MDGA2: variants seen among roughly 807,000 people sequenced by gnomAD.
MDGA2 encodes MAM domain-containing glycosylphosphatidylinositol anchor protein 2.
A neutral mutation model predicts 117.8 loss-of-function variants in MDGA2; 40 were observed. That is an observed-to-expected ratio of 0.34 (90% confidence interval 0.26 to 0.44). The LOEUF is 0.44. Among genes scored for constraint, MDGA2 ranks in the 20% least tolerant of loss-of-function variants. The pLI is 1.00. For missense variants in MDGA2, 1,123 were observed against 1,250.6 expected, an observed-to-expected ratio of 0.90 and a Z score of 1.54; for synonymous variants, 452 against 439.0, an observed-to-expected ratio of 1.03 and a Z score of -0.37.
At position 47,266,574 on chromosome 14, in the gene MDGA2, T is replaced by C. The variant is rs531519720; in HGVS notation, c.420+34837A>G. Among the ~76,000 whole-genome samples, 51 of 152,296 alleles carry C rather than the reference T, an allele frequency of 3.3e-4. 1 individual carries two copies. Among genetic ancestry groups the C allele is most frequent in the African/African-American group, 1.1e-3 (47 of 41,554 alleles). On this transcript the variant is annotated intron_variant, in intron 2 of 16. Transcript: ENST00000399232. ...TTCTGTCAATATCTTAATTAAAATA[T>C]TTCAGAGAGGACTCAACTCCAAAGT...
At chr14:47,290,222 G>A (rs1888833992) in intron 2 of MDGA2, among the ~76,000 whole-genome samples, 1 of 152,020 alleles carries the variant, frequency 6.6e-6, no homozygotes, top group South Asian at 2.1e-4. Context: ...CGGGGCCTAT[G>A]GGAGGTGATT....
At chr14:47,589,922 G>A (rs1204076384) in intron 1 of MDGA2, among the ~76,000 whole-genome samples, 1 of 151,660 alleles carries the variant, frequency 6.6e-6, no homozygotes. Flanking sequence ...CTTTTTTCAT[G>A]GTGTTATAAA....
intron 1 of MDGA2, among the ~76,000 whole-genome samples, chr14:47,353,560 C>T (rs985028570): frequency 3.3e-5 from 5 of 152,082 alleles, no homozygotes; most frequent in Non-Finnish European, 5.9e-5. Flanking sequence ...TAAGTTAAAA[C>T]GAGATTGTAC....
rs559783499 is a variant in MDGA2 at position 47,305,919 on chromosome 14, T to C, written c.281-4369A>G. Among the ~76,000 whole-genome samples the C allele has an allele frequency of 1.4e-3, 218 of 152,312 alleles. 1 individual carries two copies. Among genetic ancestry groups the C allele is most frequent in the African/African-American group, 5.1e-3 (212 of 41,560 alleles). On this transcript the variant is annotated intron_variant, in intron 1 of 16. Coordinates refer to ENST00000399232, the MANE Select transcript of MDGA2 (RefSeq NM_001113498.3). ...GACATTTAACCTAAGTTTGGAGAGA[T>C]GCTCTTGGGAGCAAAAGAGGAAGGA...
At chr14:47,226,517 G>A (rs1336629329) in intron 2 of MDGA2, among the ~76,000 whole-genome samples, 1 of 151,998 alleles carries the variant, frequency 6.6e-6, no homozygotes, top group African/African-American at 2.4e-5. Context: ...AACAATCGGA[G>A]AAAACAGATA....
chr14:46,884,065 G>T lies in MDGA2; in HGVS notation c.2239-1844C>A, dbSNP rs1882571134. On this transcript the variant is annotated intron_variant, in intron 10 of 16. Transcript: ENST00000399232. This position sits in a 1 kb window ranked among gnomAD's most constrained non-coding sequence, Gnocchi z 4.1. ...ATTCTATTATTGGGGGTTATCTGTG[G>T]CCTATGACAAAGACATATTCTGTAT... Among the ~76,000 whole-genome samples, 1 of 151,938 alleles carries T rather than the reference G, an allele frequency of 6.6e-6. No homozygotes were observed. Among genetic ancestry groups the T allele is most frequent in the Non-Finnish European group, 1.5e-5 (1 of 67,984 alleles).
intron 1 of MDGA2, among the ~76,000 whole-genome samples, chr14:47,320,020 G>A (rs962190868): frequency 2.2e-4 from 33 of 152,196 alleles, no homozygotes; most frequent in Non-Finnish European, 3.4e-4. Context: ...AAGCAGAGAC[G>A]GATGCGTTGC....
At chr14:46,912,575 C>G (rs1357010191) in intron 10 of MDGA2, among the ~76,000 whole-genome samples, 1 of 152,162 alleles carries the variant, frequency 6.6e-6, no homozygotes, top group African/African-American at 2.4e-5. Flanking sequence ...GATTAAAAAT[C>G]TTATTTATGT....
At chr14:46,854,876 T>C (rs970551634) in intron 15 of MDGA2, 148 bp downstream of exon 15, 4 of 622,100 alleles carry the variant, frequency 6.4e-6, no homozygotes, top group African/African-American at 1.9e-5. Flanking sequence ...AAACAGCTTT[T>C]AGAACTAAAG....
At chr14:46,842,118 G>T in intron 16 of MDGA2, 99 bp from the exon 17 acceptor site, 2 of 648,016 alleles carry the variant, frequency 3.1e-6, no homozygotes, top group East Asian at 2.9e-5. Context: ...ACAAGTATAT[G>T]GAAAATATTT....
Position 46,919,505 on chromosome 14 carries a change from A to G in MDGA2, c.2238+507T>C, listed in dbSNP as rs544771614. Among the ~76,000 whole-genome samples the G allele has an allele frequency of 7.2e-5, 11 of 152,358 alleles. 1 individual carries two copies. Among genetic ancestry groups the G allele is most frequent in the African/African-American group, 2.2e-4 (9 of 41,596 alleles). ...TGATCTTCAGCTCCCTTAAGAAACT[A>G]TCATACTTTAATTTCTTTTCATTTT... On this transcript the variant is annotated intron_variant, in intron 10 of 16. Transcript: ENST00000399232.
rs892756382 is a variant in MDGA2, at chr14:47,105,430, G to C, written c.926-8307C>G. On this transcript the variant is annotated intron_variant, in intron 5 of 16. Transcript: ENST00000399232. ...TCTGGGCTTGCCTCCTTCACTATGG[G>C]TAAGCTTCCACCTTCCATTCCTCCT... is the stretch of plus-strand genomic sequence containing the variant. Among the ~76,000 whole-genome samples the C allele has an allele frequency of 7.3e-4, 110 of 151,590 alleles. 2 individuals carry two copies. Among genetic ancestry groups the C allele is most frequent in the African/African-American group, 2.6e-3 (107 of 41,284 alleles).
At chr14:47,518,703 A>G (rs1169796473) in intron 1 of MDGA2, among the ~76,000 whole-genome samples, 2 of 152,240 alleles carry the variant, frequency 1.3e-5, no homozygotes, top group Non-Finnish European at 2.9e-5. Flanking sequence ...AGCCTCTTAC[A>G]GGAATCTGAC....
At chr14:47,565,332 C>T (rs1225107636) in intron 1 of MDGA2, among the ~76,000 whole-genome samples, 1 of 152,074 alleles carries the variant, frequency 6.6e-6, no homozygotes, top group African/African-American at 2.4e-5. Flanking sequence ...TCTTTGATGT[C>T]CTTGGCAGTT....
At chr14:46,925,981 T>C (rs1296691946) in intron 9 of MDGA2, among the ~76,000 whole-genome samples, 1 of 152,204 alleles carries the variant, frequency 6.6e-6, no homozygotes, top group African/African-American at 2.4e-5. Context: ...CCACCTTTCC[T>C]ACCAAACTGT....
At chr14:47,480,173 G>A (rs1893922976) in intron 1 of MDGA2, among the ~76,000 whole-genome samples, 1 of 151,866 alleles carries the variant, frequency 6.6e-6, no homozygotes, top group Non-Finnish European at 1.5e-5. Context: ...TCAAACTTTG[G>A]CATGTGTAAA....
intron 2 of MDGA2, among the ~76,000 whole-genome samples, chr14:47,300,151 G>A (rs1186508515): frequency 2.0e-5 from 3 of 152,092 alleles, no homozygotes; most frequent in African/African-American, 7.2e-5. Flanking sequence ...TTAAAAACAG[G>A]GTTAAAATGG....
At chr14:47,591,116 A>G (rs1337021285) in intron 1 of MDGA2, among the ~76,000 whole-genome samples, 1 of 152,108 alleles carries the variant, frequency 6.6e-6, no homozygotes, top group Non-Finnish European at 1.5e-5. Flanking sequence ...ATGGAATCTT[A>G]TAACATTTTA....
chr14:47,485,531 T>A (rs2138642832), intron 1 of MDGA2, among the ~76,000 whole-genome samples: 1 of 152,254 alleles, frequency 6.6e-6, no homozygotes, highest in East Asian at 1.9e-4. Flanking sequence ...GAAATTTGCA[T>A]AAGTAAGGAG....
Sources: allele counts gnomAD v4.1 joint callset (sites outside exome capture counted in the v4.1 genomes callset), GRCh38; gene constraint gnomAD v4.1.1; non-coding constraint Gnocchi (gnomAD v3.1); transcripts MANE v1.5; gene names NCBI Gene and HGNC (gene_info 2026-07-23, HGNC 2026-07-21).